Variants in SPMIP2 observed in about 807,000 individuals in gnomAD.
SPMIP2 encodes the protein protein SPMIP2.
the SPMIP2 span, among the ~76,000 whole-genome samples, chr4:158,944,948 G>T: frequency 1.3e-5 from 2 of 152,104 alleles, no homozygotes; most frequent in African/African-American, 2.4e-5. Flanking sequence ...GTCGCTTTGG[G>T]TACTATGTAA....
At chr4:159,014,310 G>A in the SPMIP2 span, among the ~76,000 whole-genome samples, 388 of 150,160 alleles carry the variant, frequency 2.6e-3, 1 homozygote, top group African/African-American at 9.2e-3. Context: ...AAAATTAGCT[G>A]GATGTGGTGG....
the SPMIP2 span, among the ~76,000 whole-genome samples, chr4:158,972,415 A>G: frequency 1.3e-5 from 2 of 152,192 alleles, no homozygotes; most frequent in Non-Finnish European, 2.9e-5. Flanking sequence ...GATGAAACTT[A>G]AGAATTTGAG....
At chr4:159,007,990 T>C in the SPMIP2 span, among the ~76,000 whole-genome samples, 1 of 152,182 alleles carries the variant, frequency 6.6e-6, no homozygotes. Context: ...TAGTCCCAGC[T>C]ACTTGGGAGG....
the SPMIP2 span, among the ~76,000 whole-genome samples, chr4:158,935,419 G>A: frequency 1.3e-5 from 2 of 152,112 alleles, no homozygotes; most frequent in South Asian, 2.1e-4. Flanking sequence ...CACGACACTT[G>A]GGGTAGTCAT....
At chr4:159,001,945 T>C in the SPMIP2 span, among the ~76,000 whole-genome samples, 1 of 152,234 alleles carries the variant, frequency 6.6e-6, no homozygotes, top group Non-Finnish European at 1.5e-5. Flanking sequence ...ATGGTTGAAC[T>C]AATTTACACT....
At chr4:159,016,988 T>G in the SPMIP2 span, among the ~76,000 whole-genome samples, 1 of 151,804 alleles carries the variant, frequency 6.6e-6, no homozygotes, top group Non-Finnish European at 1.5e-5. Context: ...GTGATTAGAG[T>G]ATGGATTGGA....
the SPMIP2 span, among the ~76,000 whole-genome samples, chr4:159,067,263 T>G: frequency 6.6e-6 from 1 of 152,168 alleles, no homozygotes; most frequent in South Asian, 2.1e-4. Flanking sequence ...AAGGAATAAT[T>G]AAATAGAACT....
the SPMIP2 span, among the ~76,000 whole-genome samples, chr4:159,056,884 T>C: frequency 1.3e-5 from 2 of 152,226 alleles, no homozygotes; most frequent in Non-Finnish European, 2.9e-5. Flanking sequence ...ATGCTGAGCT[T>C]CTTCAAATGA....
chr4:158,926,840 C>T, the SPMIP2 span, among the ~76,000 whole-genome samples: 1 of 152,016 alleles, frequency 6.6e-6, no homozygotes, highest in Non-Finnish European at 1.5e-5. Context: ...ATAATAGACA[C>T]TGGGAAATCC....
the SPMIP2 span, among the ~76,000 whole-genome samples, chr4:158,993,207 A>T: frequency 6.1e-3 from 928 of 151,902 alleles, 7 homozygotes; most frequent in African/African-American, 0.019. Context: ...CAAAAAAAAA[A>T]TTTTTTTAAT....
the SPMIP2 span, among the ~76,000 whole-genome samples, chr4:158,994,308 T>C: frequency 2.6e-5 from 4 of 152,248 alleles, no homozygotes; most frequent in Admixed American, 6.5e-5. Flanking sequence ...AGACTGAAGA[T>C]ATATAAAGTC....
the SPMIP2 span, among the ~76,000 whole-genome samples, chr4:158,928,934 T>C: frequency 2.6e-5 from 4 of 151,842 alleles, no homozygotes; most frequent in Non-Finnish European, 5.9e-5. Context: ...AGGAAGAAAC[T>C]CTGAACGCAT....
At chr4:158,914,656 T>C in the SPMIP2 span, among the ~76,000 whole-genome samples, 2 of 152,230 alleles carry the variant, frequency 1.3e-5, no homozygotes, top group Non-Finnish European at 2.9e-5. Flanking sequence ...TTCCACATTC[T>C]TTAATTCTCC....
At chr4:158,925,397 A>C in the SPMIP2 span, among the ~76,000 whole-genome samples, 1 of 151,972 alleles carries the variant, frequency 6.6e-6, no homozygotes, top group Non-Finnish European at 1.5e-5. Context: ...TTTATTCCTG[A>C]TTTTAGTAGT....
chr4:159,053,930 A>AG, the SPMIP2 span, among the ~76,000 whole-genome samples: 1 of 151,818 alleles, frequency 6.6e-6, no homozygotes, highest in African/African-American at 2.4e-5. Context: ...AAAAAAAAAA[A>AG]AGAGAGAAAG....
chr4:158,900,974 G>A, the SPMIP2 span, among the ~76,000 whole-genome samples: 1 of 152,066 alleles, frequency 6.6e-6, no homozygotes, highest in East Asian at 1.9e-4. Flanking sequence ...GGCTGGTACC[G>A]CTTTTTCCTT....
At chr4:159,006,004 A>G in the SPMIP2 span, among the ~76,000 whole-genome samples, 1 of 152,188 alleles carries the variant, frequency 6.6e-6, no homozygotes, top group Admixed American at 6.5e-5. Context: ...ACTTCAAGTG[A>G]TCCACCTGCC....
At chr4:159,050,708 A>T in the SPMIP2 span, among the ~76,000 whole-genome samples, 1 of 151,830 alleles carries the variant, frequency 6.6e-6, no homozygotes. Context: ...AGGTGAGTGG[A>T]TCACTTGAAC....
the SPMIP2 span, among the ~76,000 whole-genome samples, chr4:158,901,508 G>A: frequency 1.3e-5 from 2 of 152,024 alleles, no homozygotes; most frequent in African/African-American, 4.8e-5. Context: ...GGTGTTCTCT[G>A]TATTTCCTGA....
Sources: allele counts gnomAD v4.1 joint callset (sites outside exome capture counted in the v4.1 genomes callset), GRCh38; gene constraint gnomAD v4.1.1; transcripts MANE v1.5; gene names NCBI Gene and HGNC (gene_info 2026-07-23, HGNC 2026-07-21).